DDX10: variants seen among roughly 807,000 people sequenced by gnomAD.
DDX10 encodes the protein DEAD-box helicase 10, also known as probable ATP-dependent RNA helicase DDX10.
Under a neutral mutation model 104.3 loss-of-function variants are expected in DDX10, and 74 were observed. The ratio of observed to expected loss-of-function variants is 0.71; its 90% confidence interval spans 0.59 to 0.86. DDX10 has a LOEUF of 0.86. DDX10 is among the 40% of genes least tolerant of loss of function. DDX10 has a pLI of 0.00. For synonymous variants in DDX10, 351 were observed against 353.4 expected, an observed-to-expected ratio of 0.99 and a Z score of 0.08; for missense variants, 952 against 1,040.0, an observed-to-expected ratio of 0.92 and a Z score of 1.16.
At chr11:108,667,528 T>G (rs909364608) in intron 1 of DDX10, among the ~76,000 whole-genome samples, 1 of 152,214 alleles carries the variant, frequency 6.6e-6, no homozygotes, top group African/African-American at 2.4e-5. Flanking sequence ...GCTAGCCAGG[T>G]TTCTTCATCC....
At chr11:108,678,589 A>AAACCCAG (rs918862547) in intron 5 of DDX10, among the ~76,000 whole-genome samples, 154 bp downstream of exon 5, 7 of 152,190 alleles carry the variant, frequency 4.6e-5, no homozygotes, top group Non-Finnish European at 1.0e-4. Flanking sequence ...TTTGGGCTCT[A>AAACCCAG]AACCCAGAAA....
At chr11:108,815,456 A>T (rs141791559) in intron 13 of DDX10, among the ~76,000 whole-genome samples, 47 of 152,344 alleles carry the variant, frequency 3.1e-4, no homozygotes, top group African/African-American at 1.1e-3. Flanking sequence ...GACCTTCTGT[A>T]TACACAGGTT....
chr11:108,740,370 C>G (rs1392830658), intron 13 of DDX10, among the ~76,000 whole-genome samples: 1 of 152,104 alleles, frequency 6.6e-6, no homozygotes, highest in African/African-American at 2.4e-5. Flanking sequence ...ACCACATTTT[C>G]TTTATCCAGT....
intron 16 of DDX10, among the ~76,000 whole-genome samples, chr11:108,889,838 A>G (rs1037213257): frequency 6.6e-6 from 1 of 152,220 alleles, no homozygotes. Flanking sequence ...GAATAGCCAC[A>G]TCATAAGTAT....
At chr11:108,745,897 A>T (rs183134028) in intron 13 of DDX10, among the ~76,000 whole-genome samples, 379 of 152,230 alleles carry the variant, frequency 2.5e-3, no homozygotes, top group African/African-American at 8.4e-3. Flanking sequence ...GTTCCTTTTG[A>T]TAATAGCTTT....
At chr11:108,859,754 G>A (rs1862916399) in intron 16 of DDX10, among the ~76,000 whole-genome samples, 1 of 152,176 alleles carries the variant, frequency 6.6e-6, no homozygotes, top group African/African-American at 2.4e-5. Context: ...CTGAGTCTGT[G>A]TTATTCCAGT....
chr11:108,792,545 C>A lies in DDX10; in HGVS notation c.1966-45901C>A, dbSNP rs1166683903. Among the ~76,000 whole-genome samples the A allele has an allele frequency of 6.9e-4, 105 of 152,048 alleles. 1 individual carries two copies. The highest frequency in any genetic ancestry group is 6.9e-3 in the Admixed American group (105 of 15,270). On this transcript the variant is annotated intron_variant, in intron 13 of 17. Coordinates refer to ENST00000322536, the MANE Select transcript of DDX10 (RefSeq NM_004398.4). ...TTTCCTCATTCAATTATCTTGGTAC[C>A]TTTAGAAATAAGTTTATCATATTCA...
In DDX10 at chr11:108,723,343, A is replaced by T; in HGVS notation, c.1846A>T (p.Ile616Phe). 1 of 1,614,012 alleles carries T rather than the reference A, an allele frequency of 6.2e-7. No individual in the cohort carries two copies. The highest frequency in any genetic ancestry group is 8.5e-7 in the Non-Finnish European group (1 of 1,179,944). Residue 616 changes from isoleucine (I) to phenylalanine (F), a missense_variant, in exon 13 of 18, where the codon ATC becomes TTC. By Grantham distance (21) the Ile-to-Phe change is conservative. Around this residue, in one of 3 missense-constraint regions of DDX10, gnomAD observed 533 missense variants for 534.1 expected, o/e 1.00. Transcript: ENST00000322536. Reference protein sequence around the residue: ...SLPNTSEAQKIKEVPTQFLDR... With the variant: ...SLPNTSEAQKFKEVPTQFLDR... ...TCCTAACACCAGTGAGGCACAGAAG[A>T]TCAAGGAAGTTCCTACACAGTTCTT...
chr11:108,820,113 C>T (rs1215606585), intron 13 of DDX10, among the ~76,000 whole-genome samples: 1 of 152,200 alleles, frequency 6.6e-6, no homozygotes, highest in Non-Finnish European at 1.5e-5. Flanking sequence ...ATAATTATTT[C>T]ATCATCTGTA....
In DDX10 at chr11:108,665,096, T is replaced by C. The variant is rs1042447089; in HGVS notation, c.-58T>C. On this transcript the variant is annotated 5_prime_UTR_variant, in exon 1 of 18. Transcript: ENST00000322536. ...GTTTGTCCCATGCTGGTTCCGTGAGTCTGGCCTTAGGTGTCTCGTGTCTGG... is the reference window on the plus strand; with the variant it reads ...GTTTGTCCCATGCTGGTTCCGTGAGCCTGGCCTTAGGTGTCTCGTGTCTGG... The C allele has an allele frequency of 4.0e-6, 6 of 1,509,170 alleles. No individual in the cohort carries two copies. Among genetic ancestry groups the C allele is most frequent in the African/African-American group, 1.4e-5 (1 of 69,966 alleles). 93.5% of individuals were successfully genotyped at this position (1,509,170 alleles called of 1,614,324 possible).
rs192242379 is a variant in DDX10 at position 108,732,799 on chromosome 11, C to T, written c.1965+9337C>T. Reference sequence around the variant, plus strand: ...TGTTGGGTGTTCAGAAAGTTGACCTCCAGGGAGACAGTGTTAGATAAGAGC... The same window carrying T: ...TGTTGGGTGTTCAGAAAGTTGACCTTCAGGGAGACAGTGTTAGATAAGAGC... On this transcript the variant is annotated intron_variant, in intron 13 of 17. Transcript: ENST00000322536. Among the ~76,000 whole-genome samples the T allele has an allele frequency of 3.1e-4, 47 of 152,212 alleles. No homozygotes were observed. The East Asian group carries it at 7.7e-3, about 25-fold the overall frequency.
At chr11:108,892,079 G>T (rs368592279) in intron 16 of DDX10, among the ~76,000 whole-genome samples, 1 of 152,098 alleles carries the variant, frequency 6.6e-6, no homozygotes, top group Non-Finnish European at 1.5e-5. Context: ...GCTGTAGTTC[G>T]GATATTTGAC....
chr11:108,892,211 G>A (rs1429012307), intron 16 of DDX10, among the ~76,000 whole-genome samples: 1 of 152,092 alleles, frequency 6.6e-6, no homozygotes, highest in Non-Finnish European at 1.5e-5. Flanking sequence ...TGGTGGTAAC[G>A]AGTGAATTCT....
At chr11:108,737,430 C>T (rs1440332656) in intron 13 of DDX10, among the ~76,000 whole-genome samples, 2 of 152,108 alleles carry the variant, frequency 1.3e-5, no homozygotes, top group African/African-American at 2.4e-5. Flanking sequence ...TACTGTTGGG[C>T]AGAGAATCTG....
At chr11:108,897,372 A>G (rs532070326) in intron 16 of DDX10, among the ~76,000 whole-genome samples, 1 of 152,346 alleles carries the variant, frequency 6.6e-6, no homozygotes, top group South Asian at 2.1e-4. Flanking sequence ...GAGATAGGAA[A>G]TCAAAAGCTG....
At chr11:108,843,737 C>G (rs919197853) in intron 15 of DDX10, among the ~76,000 whole-genome samples, 2 of 149,098 alleles carry the variant, frequency 1.3e-5, no homozygotes, top group African/African-American at 2.5e-5. Context: ...GCCTGGGCAA[C>G]AGGAGTGAGA....
intron 14 of DDX10, among the ~76,000 whole-genome samples, chr11:108,840,220 C>T (rs1862618243): frequency 1.3e-5 from 2 of 152,160 alleles, no homozygotes; most frequent in South Asian, 4.1e-4. Flanking sequence ...TATTTATCAA[C>T]CCCATTGGTT....
At chr11:108,685,184 A>G (rs2094241790) in intron 6 of DDX10, among the ~76,000 whole-genome samples, 1 of 151,238 alleles carries the variant, frequency 6.6e-6, no homozygotes, top group Non-Finnish European at 1.5e-5. Context: ...AATCAGCGCG[A>G]TTCCGTGGGC....
intron 16 of DDX10, among the ~76,000 whole-genome samples, chr11:108,881,564 A>G (rs1251700394): frequency 6.6e-6 from 1 of 152,210 alleles, no homozygotes; most frequent in Non-Finnish European, 1.5e-5. Context: ...AGTAGAAGCC[A>G]TGCTTTGAGT....
Sources: gnomAD v4.1 joint callset for allele counts (sites outside exome capture counted in the v4.1 genomes callset) on GRCh38, gnomAD v4.1.1 for gene constraint, gnomAD v4.1.1 regional missense constraint, MANE v1.5 for transcripts, NCBI Gene and HGNC (gene_info 2026-07-23, HGNC 2026-07-21) for gene names.